Variants in PAG1 observed in about 807,000 individuals in gnomAD.
The protein encoded by PAG1 is phosphoprotein membrane anchor with glycosphingolipid microdomains 1.
PAG1 carries 23 observed loss-of-function variants against 31.7 expected under a neutral mutation model. That is an observed-to-expected ratio of 0.73 (90% CI 0.52 to 1.03). The LOEUF is 1.03. Among genes scored for constraint, PAG1 ranks in the 50% least tolerant of loss-of-function variants. The pLI is 0.00. For synonymous variants in PAG1, 214 were observed against 210.3 expected (o/e 1.02, Z -0.15); for missense variants, 473 against 540.7 (o/e 0.87, Z 1.24).
chr8:80,984,162 T>C (rs1807366134), intron 7 of PAG1, among the ~76,000 whole-genome samples: 1 of 152,248 alleles, frequency 6.6e-6, no homozygotes, highest in South Asian at 2.1e-4. Flanking sequence ...GTGAACTTCA[T>C]CGTGGCTCAG....
intron 1 of PAG1, among the ~76,000 whole-genome samples, chr8:81,101,634 G>A (rs1809610993): frequency 6.6e-6 from 1 of 152,116 alleles, no homozygotes; most frequent in Non-Finnish European, 1.5e-5. Flanking sequence ...ATTTTGCTCT[G>A]TGCGCCTACT....
chr8:81,024,239 C>G (rs751851430), intron 3 of PAG1, among the ~76,000 whole-genome samples: 1 of 152,172 alleles, frequency 6.6e-6, no homozygotes, highest in Non-Finnish European at 1.5e-5. Flanking sequence ...AGCTTTGCAT[C>G]GCTGTGATTT....
chr8:80,998,605 A>AAG (rs35940263), intron 3 of PAG1, among the ~76,000 whole-genome samples: 39 of 151,400 alleles, frequency 2.6e-4, no homozygotes, highest in Middle Eastern at 3.4e-3. Context: ...GAAAAAAAAA[A>AAG]CCACACAAAT....
At chr8:80,995,369 C>T (rs530990202) in intron 3 of PAG1, among the ~76,000 whole-genome samples, 1 of 152,302 alleles carries the variant, frequency 6.6e-6, no homozygotes, top group South Asian at 2.1e-4. Flanking sequence ...ACAGTAATAA[C>T]AAGTCAAATT....
At chr8:81,077,877 A>G (rs1809204351) in intron 1 of PAG1, among the ~76,000 whole-genome samples, 1 of 152,248 alleles carries the variant, frequency 6.6e-6, no homozygotes, top group South Asian at 2.1e-4. Flanking sequence ...CCTATCAAAG[A>G]GAGCCAGAAG....
intron 8 of PAG1, among the ~76,000 whole-genome samples, chr8:80,979,338 G>T (rs190561603): frequency 1.3e-5 from 2 of 152,322 alleles, no homozygotes; most frequent in East Asian, 3.9e-4. Flanking sequence ...CAGCAGGAGG[G>T]GACTGCTCTG....
chr8:80,977,188 C>G (rs1175549299), intron 8 of PAG1, among the ~76,000 whole-genome samples: 2 of 152,186 alleles, frequency 1.3e-5, no homozygotes, highest in Non-Finnish European at 1.5e-5. Flanking sequence ...GTGGGAAGCT[C>G]CTGAAGGCCC....
chr8:81,105,498 T>C (rs1809679752), intron 1 of PAG1, among the ~76,000 whole-genome samples: 1 of 152,198 alleles, frequency 6.6e-6, no homozygotes, highest in Admixed American at 6.5e-5. Context: ...GCCACTCTGG[T>C]TGCAATTCCC....
At position 80,974,134 on chromosome 8, in the gene PAG1, A is replaced by G. The variant is rs1807133220; in HGVS notation, c.*2410T>C. On this transcript the variant is annotated 3_prime_UTR_variant, in exon 9 of 9. Transcript: ENST00000220597. ...AAATTGCAAAATGACATGATTATTT[A>G]TGAGCTTTCTATAAAAAGTTTTTTT... 1 of 145,028 alleles carries G rather than the reference A, an allele frequency of 6.9e-6. No homozygotes were observed. Among genetic ancestry groups the G allele is most frequent in the South Asian group, 2.3e-4 (1 of 4,420 alleles). 9.0% of individuals were successfully genotyped at this position (145,028 alleles called of 1,614,324 possible). A position where few individuals can be genotyped will look rare whatever the true frequency, so the allele number is the denominator to read the frequency against.
In PAG1 at chr8:80,970,553, G is replaced by T. The variant is rs1807055890; in HGVS notation, c.*5991C>A. 6.5e-6 allele frequency: 1 copy of T among 152,720 alleles called. No homozygotes were observed. Among genetic ancestry groups the T allele is most frequent in the South Asian group, 2.1e-4 (1 of 4,830 alleles). 9.5% of individuals were successfully genotyped at this position (152,720 alleles called of 1,614,324 possible). ...TGGACAGTGGGGGTTGCTGCTTGAG[G>T]AGACTCAGGCCAGATACAGATCACT... On this transcript the variant is annotated 3_prime_UTR_variant, in exon 9 of 9. Transcript: ENST00000220597.
At chr8:81,016,909 T>G (rs944610841) in intron 3 of PAG1, among the ~76,000 whole-genome samples, 1 of 152,070 alleles carries the variant, frequency 6.6e-6, no homozygotes, top group Admixed American at 6.6e-5. Flanking sequence ...CAAATCTAGG[T>G]TGACCCTGCT....
At chr8:81,025,235 A>G (rs554918792) in intron 3 of PAG1, among the ~76,000 whole-genome samples, 1 of 152,326 alleles carries the variant, frequency 6.6e-6, no homozygotes, top group African/African-American at 2.4e-5. Flanking sequence ...AAAATATAAA[A>G]TGTAGGACAT....
chr8:81,029,360 TCTCTCA>T (rs1349258832), intron 3 of PAG1, among the ~76,000 whole-genome samples: 2 of 151,058 alleles, frequency 1.3e-5, no homozygotes, highest in African/African-American at 2.4e-5. Flanking sequence ...TCTCTCTCTC[TCTCTCA>T]CACACACACA....
At chr8:81,016,167 A>G (rs1808068999) in intron 3 of PAG1, among the ~76,000 whole-genome samples, 1 of 152,206 alleles carries the variant, frequency 6.6e-6, no homozygotes. Context: ...CCAACCTAAG[A>G]TGGCCCAAAC....
At chr8:81,042,206 T>C (rs1369245518) in intron 2 of PAG1, among the ~76,000 whole-genome samples, 4 of 152,182 alleles carry the variant, frequency 2.6e-5, no homozygotes, top group East Asian at 1.9e-4. Flanking sequence ...CAGAGTGTCA[T>C]AGAAAACAGA....
At chr8:81,032,630 T>C (rs1213648343) in intron 2 of PAG1, among the ~76,000 whole-genome samples, 1 of 152,156 alleles carries the variant, frequency 6.6e-6, no homozygotes, top group Non-Finnish European at 1.5e-5. Flanking sequence ...GATGGGAATG[T>C]AAAATAACGC....
At chr8:81,037,054 T>TATA (rs1211930762) in intron 2 of PAG1, 50 of 152,130 alleles carry the variant, frequency 3.3e-4, no homozygotes, top group African/African-American at 1.1e-3. Context: ...GAAGGCAAAA[T>TATA]ATAATAATAA....
chr8:81,038,532 T>G (rs1309462646), intron 2 of PAG1, among the ~76,000 whole-genome samples: 1 of 152,158 alleles, frequency 6.6e-6, no homozygotes, highest in African/African-American at 2.4e-5. Context: ...CAGAGGGGTA[T>G]GCAGGGCCGT....
rs1809778282 is a variant in PAG1 at position 81,111,733 on chromosome 8, C to A, written c.-376G>T. 6.6e-6 allele frequency: 1 copy of A among 152,240 alleles called. No homozygotes were observed. Among genetic ancestry groups the A allele is most frequent in the Admixed American group, 6.5e-5 (1 of 15,282 alleles). 9.4% of individuals were successfully genotyped at this position (152,240 alleles called of 1,614,324 possible). A position where few individuals can be genotyped will look rare whatever the true frequency, so the allele number is the denominator to read the frequency against. On this transcript the variant is annotated 5_prime_UTR_variant, in exon 1 of 9. Coordinates refer to ENST00000220597, the MANE Select transcript of PAG1 (RefSeq NM_018440.4). Reference sequence around the variant, plus strand: ...CCAGGCGCCGCCGCTCTGCACCAGTCGCCTTGGCTCAGCTGTGCCGGGCGC... The same window carrying A: ...CCAGGCGCCGCCGCTCTGCACCAGTAGCCTTGGCTCAGCTGTGCCGGGCGC...
Sources: allele counts gnomAD v4.1 joint callset (sites outside exome capture counted in the v4.1 genomes callset), GRCh38; gene constraint gnomAD v4.1.1; transcripts MANE v1.5; gene names NCBI Gene and HGNC (gene_info 2026-07-23, HGNC 2026-07-21).